The following NRXN3 variants were observed in gnomAD, a reference collection of about 807,000 sequenced individuals.
The protein encoded by NRXN3 is neurexin III.
NRXN3 carries 32 observed loss-of-function variants against 137.6 expected under a neutral mutation model. That is an observed-to-expected ratio of 0.23 (90% confidence interval 0.18 to 0.31). NRXN3 has a LOEUF of 0.31. Among genes scored for constraint, NRXN3 ranks in the 10% least tolerant of loss-of-function variants. The probability of loss-of-function intolerance (pLI) is 1.00; values close to 1 mark genes in which losing one functional copy is unlikely to be tolerated. For missense variants in NRXN3, 1,574 were observed against 2,062.5 expected, an observed-to-expected ratio of 0.76 and a Z score of 4.59; for synonymous variants, 798 against 784.5, an observed-to-expected ratio of 1.02 and a Z score of -0.29.
intron 4 of NRXN3, among the ~76,000 whole-genome samples, chr14:78,586,235 GGTTTTTGTTTTT>G (rs888127326): frequency 1.3e-5 from 2 of 152,102 alleles, no homozygotes; most frequent in South Asian, 2.1e-4. Flanking sequence ...TTAGAGACAG[GGTTTTTGTTTTT>G]GTTTTTGTTT....
At chr14:79,567,868 A>G (rs895591148) in intron 16 of NRXN3, among the ~76,000 whole-genome samples, 2 of 152,074 alleles carry the variant, frequency 1.3e-5, no homozygotes, top group African/African-American at 4.8e-5. Context: ...TCACTATAAG[A>G]TAGTGTCAAC....
chr14:79,808,327 G>A (rs1208669281), intron 20 of NRXN3, among the ~76,000 whole-genome samples: 3 of 150,014 alleles, frequency 2.0e-5, no homozygotes, highest in Non-Finnish European at 4.4e-5. Flanking sequence ...AAACAATACA[G>A]ATTAAAATCA....
intron 16 of NRXN3, among the ~76,000 whole-genome samples, chr14:79,512,095 C>T (rs1242019983): frequency 6.6e-6 from 1 of 152,138 alleles, no homozygotes; most frequent in Non-Finnish European, 1.5e-5. Flanking sequence ...GATGGGGTTT[C>T]ACCATGTTGG....
chr14:79,565,907 A>T (rs1315197224), intron 16 of NRXN3, among the ~76,000 whole-genome samples: 1 of 152,180 alleles, frequency 6.6e-6, no homozygotes, highest in Non-Finnish European at 1.5e-5. Flanking sequence ...TGTTAAGAAA[A>T]ATAATTCAAT....
intron 6 of NRXN3, chr14:78,695,289 T>C (rs2098215030): frequency 6.6e-6 from 1 of 152,058 alleles, no homozygotes; most frequent in Non-Finnish European, 1.5e-5. Flanking sequence ...TAAAGACTCC[T>C]TTCCAAATAA....
At chr14:79,570,780 G>C (rs1028240273) in intron 16 of NRXN3, among the ~76,000 whole-genome samples, 23 of 152,216 alleles carry the variant, frequency 1.5e-4, no homozygotes, top group African/African-American at 5.3e-4. Flanking sequence ...TCAAGAACAA[G>C]GTGCTAGCCA....
intron 19 of NRXN3, among the ~76,000 whole-genome samples, chr14:79,741,027 C>G (rs887164357): frequency 6.6e-6 from 1 of 151,894 alleles, no homozygotes; most frequent in Non-Finnish European, 1.5e-5. Flanking sequence ...CTGGAACCAT[C>G]TCAAGGTTAG....
intron 19 of NRXN3, among the ~76,000 whole-genome samples, chr14:79,736,361 T>G (rs1256550306): frequency 2.0e-5 from 3 of 152,244 alleles, no homozygotes; most frequent in African/African-American, 7.2e-5. Context: ...TTCTTGATTT[T>G]TCTGACCCCA....
chr14:78,638,984 A>G (rs2097590809), intron 4 of NRXN3, among the ~76,000 whole-genome samples: 1 of 152,164 alleles, frequency 6.6e-6, no homozygotes. Context: ...CCTGGAAAGC[A>G]CTGGCCAGAA....
At chr14:79,276,545 A>G (rs1324140846) in intron 15 of NRXN3, among the ~76,000 whole-genome samples, 2 of 152,204 alleles carry the variant, frequency 1.3e-5, no homozygotes, top group Non-Finnish European at 2.9e-5. Context: ...AAGTGAAATG[A>G]ATAGTTCCAG....
chr14:79,778,190 G>A (rs1328156567), intron 19 of NRXN3, among the ~76,000 whole-genome samples: 1 of 152,218 alleles, frequency 6.6e-6, no homozygotes, highest in Admixed American at 6.5e-5. Context: ...GCCGAGGCAG[G>A]TGGATCACGA....
chr14:78,808,438 C>G (rs959764280), intron 9 of NRXN3, among the ~76,000 whole-genome samples: 1 of 152,128 alleles, frequency 6.6e-6, no homozygotes. Context: ...ATAAGCGTGC[C>G]CATACACCAG....
intron 8 of NRXN3, among the ~76,000 whole-genome samples, chr14:78,716,223 T>C (rs1448696756): frequency 6.6e-6 from 1 of 152,174 alleles, no homozygotes; most frequent in African/African-American, 2.4e-5. Flanking sequence ...AGGGACAACA[T>C]CAACACAAGG....
chr14:79,241,472 A>C (rs991981751), intron 15 of NRXN3, among the ~76,000 whole-genome samples: 3 of 152,162 alleles, frequency 2.0e-5, no homozygotes, highest in Admixed American at 2.0e-4. Context: ...AGGCAAGAGA[A>C]CTTGTGCAGG....
At chr14:79,215,122 T>C (rs537565525) in intron 15 of NRXN3, among the ~76,000 whole-genome samples, 2 of 152,264 alleles carry the variant, frequency 1.3e-5, no homozygotes, top group South Asian at 4.2e-4. Flanking sequence ...TTAAACAGAA[T>C]GGATTTAAAG....
At chr14:79,109,243 G>C (rs1180629507) in intron 15 of NRXN3, among the ~76,000 whole-genome samples, 1 of 152,076 alleles carries the variant, frequency 6.6e-6, no homozygotes, top group Non-Finnish European at 1.5e-5. Flanking sequence ...ACTGGACTTG[G>C]GGCTGCCATG....
chr14:79,809,781 A>G (rs1484022812), intron 20 of NRXN3, among the ~76,000 whole-genome samples: 1 of 152,184 alleles, frequency 6.6e-6, no homozygotes, highest in Non-Finnish European at 1.5e-5. Context: ...CACTTCTATT[A>G]ATCTTAAATT....
At chr14:79,826,976 T>C (rs928759559) in intron 20 of NRXN3, among the ~76,000 whole-genome samples, 1 of 152,148 alleles carries the variant, frequency 6.6e-6, no homozygotes, top group Non-Finnish European at 1.5e-5. Context: ...TCATCTAGTA[T>C]TCATTCCTTA....
intron 15 of NRXN3, among the ~76,000 whole-genome samples, chr14:79,349,045 A>C (rs1420055521): frequency 6.6e-6 from 1 of 152,174 alleles, no homozygotes; most frequent in African/African-American, 2.4e-5. Flanking sequence ...ATTAATTATC[A>C]TTACCTAAAT....
Sources: gnomAD v4.1 joint callset for allele counts (sites outside exome capture counted in the v4.1 genomes callset) on GRCh38, gnomAD v4.1.1 for gene constraint, MANE v1.5 for transcripts, NCBI Gene and HGNC (gene_info 2026-07-23, HGNC 2026-07-21) for gene names.